CC2D2A: variants seen among roughly 807,000 people sequenced by gnomAD.
CC2D2A encodes the protein coiled-coil and C2 domain containing 2A.
A neutral mutation model predicts 212.9 loss-of-function variants in CC2D2A; 155 were observed. The observed-to-expected ratio is 0.73, with a 90% CI of 0.64 to 0.83. The LOEUF (loss-of-function observed/expected upper bound fraction) is 0.83. CC2D2A is among the 40% of genes least tolerant of loss of function. The probability of loss-of-function intolerance (pLI) is 0.00; values close to 1 mark genes in which losing one functional copy is unlikely to be tolerated. For missense variants in CC2D2A, 1,856 were observed against 1,956.2 expected (o/e 0.95, Z 0.97); for synonymous variants, 667 against 686.5 (o/e 0.97, Z 0.44).
rs568138612 is a variant in CC2D2A, at chr4:15,538,201, G to A, written c.2003+64G>A. 6.2e-6 allele frequency: 9 copies of A among 1,454,206 alleles called. No individual in the cohort carries two copies. The East Asian group carries it at 2.0e-4, about 32-fold the overall frequency. 90.1% of individuals were successfully genotyped at this position (1,454,206 alleles called of 1,614,324 possible). On this transcript the variant is annotated intron_variant, in intron 16 of 36. Coordinates refer to ENST00000424120, the MANE Select transcript of CC2D2A (RefSeq NM_001378615.1). ...GATACACATGTTCACGTGGGCACATGCACACACACATGCACGACATGGGGA... is the reference window on the plus strand; with the variant it reads ...GATACACATGTTCACGTGGGCACATACACACACACATGCACGACATGGGGA...
At chr4:15,588,245 T>C (rs1360329314) in intron 32 of CC2D2A, among the ~76,000 whole-genome samples, 1 of 152,148 alleles carries the variant, frequency 6.6e-6, no homozygotes, top group Non-Finnish European at 1.5e-5. Context: ...TCAGATTCCC[T>C]TAATGATGTG....
At chr4:15,600,806 T>C (rs1721553978) in intron 36 of CC2D2A, among the ~76,000 whole-genome samples, 1 of 142,536 alleles carries the variant, frequency 7.0e-6, no homozygotes, top group Admixed American at 7.7e-5. Context: ...GAGGCTAAAG[T>C]GGGGGGACCA....
intron 6 of CC2D2A, 135 bp from the exon 7 acceptor site, chr4:15,510,004 C>CGAA: frequency 1.5e-6 from 1 of 680,776 alleles, no homozygotes; most frequent in Non-Finnish European, 2.5e-6. Flanking sequence ...GCCAGCATTC[C>CGAA]ATGCCTTAGG....
chr4:15,600,141 T>C (rs1448956473), intron 36 of CC2D2A, among the ~76,000 whole-genome samples: 1 of 152,172 alleles, frequency 6.6e-6, no homozygotes, highest in Non-Finnish European at 1.5e-5. Flanking sequence ...AGCTGGATAA[T>C]AAAACCTACA....
At chr4:15,578,816 G>GT (rs955948583) in intron 29 of CC2D2A, among the ~76,000 whole-genome samples, 5,774 of 119,026 alleles carry the variant, frequency 0.049, 153 homozygotes, top group African/African-American at 0.083. Context: ...TTGTTTGTTT[G>GT]TTTTTAATAG....
At position 15,553,310 on chromosome 4, in the gene CC2D2A, T is replaced by A. The variant is rs780106193; in HGVS notation, c.2486+5T>A. The stretch of plus-strand genomic sequence containing the variant: ...GCAGAACATCGGATTTCGGAGGTAA[T>A]ACATGGCAAGAGTAAATTGATGAGC... On this transcript the variant is annotated splice_donor_5th_base_variant and intron_variant, in intron 19 of 36. Coordinates refer to ENST00000424120, the MANE Select transcript of CC2D2A (RefSeq NM_001378615.1). The A allele has an allele frequency of 8.1e-6, 13 of 1,611,580 alleles. No individual in the cohort carries two copies. The highest frequency in any genetic ancestry group is 2.2e-5 in the East Asian group (1 of 44,766).
chr4:15,489,298 T>A (rs1715174117), intron 4 of CC2D2A, among the ~76,000 whole-genome samples: 1 of 152,082 alleles, frequency 6.6e-6, no homozygotes, highest in Non-Finnish European at 1.5e-5. Flanking sequence ...AAGCACAGCA[T>A]GAGACATAGA....
chr4:15,492,653 G>T, intron 4 of CC2D2A: 1 of 571,972 alleles, frequency 1.7e-6, no homozygotes, highest in South Asian at 1.6e-5. Context: ...AAGGGCGGCA[G>T]GGACTCCTCA....
intron 29 of CC2D2A, among the ~76,000 whole-genome samples, chr4:15,575,486 T>C: frequency 6.6e-6 from 1 of 152,196 alleles, no homozygotes. Flanking sequence ...AAGCGTAAGT[T>C]GTTAACTACT....
At chr4:15,541,607 C>G (rs1166009849) in intron 17 of CC2D2A, among the ~76,000 whole-genome samples, 1 of 152,006 alleles carries the variant, frequency 6.6e-6, no homozygotes, top group African/African-American at 2.4e-5. Context: ...ACAGGGAGAT[C>G]TCCAGCTCAT....
At chr4:15,592,822 T>C (rs1405246124) in intron 33 of CC2D2A, among the ~76,000 whole-genome samples, 1 of 152,186 alleles carries the variant, frequency 6.6e-6, no homozygotes, top group Non-Finnish European at 1.5e-5. Flanking sequence ...AGGTGCCTTA[T>C]CAAAATCTCA....
intron 17 of CC2D2A, among the ~76,000 whole-genome samples, chr4:15,545,683 G>A (rs1718673289): frequency 6.6e-6 from 1 of 150,854 alleles, no homozygotes; most frequent in Non-Finnish European, 1.5e-5. Context: ...CAGGAGTGAG[G>A]GGATGGGCTC....
intron 11 of CC2D2A, among the ~76,000 whole-genome samples, chr4:15,521,966 A>T (rs192502908): frequency 1.3e-5 from 2 of 152,320 alleles, no homozygotes. Context: ...TGTGAGGCTA[A>T]TGTGGGAGGT....
rs184335049 is a variant in CC2D2A at position 15,577,036 on chromosome 4, C to T, written c.3771+2710C>T. Among the ~76,000 whole-genome samples, 225 of 152,302 alleles carry T rather than the reference C, an allele frequency of 1.5e-3. 1 individual carries two copies. Among genetic ancestry groups the T allele is most frequent in the South Asian group, 3.9e-3 (19 of 4,830 alleles). On this transcript the variant is annotated intron_variant, in intron 29 of 36. Coordinates refer to ENST00000424120, the MANE Select transcript of CC2D2A (RefSeq NM_001378615.1). ...TTGAGAGAGGGTCTTGCTCTGTCAC[C>T]TAGCTGGAGTGCAGTGGTGCCATCA...
chr4:15,486,552 T>C (rs1715011970), intron 4 of CC2D2A, among the ~76,000 whole-genome samples: 1 of 152,184 alleles, frequency 6.6e-6, no homozygotes, highest in African/African-American at 2.4e-5. Flanking sequence ...TCTTCTCTTT[T>C]TCTTAATCTG....
chr4:15,509,176 GACTT>G (rs1343469002), intron 6 of CC2D2A, among the ~76,000 whole-genome samples: 5 of 152,232 alleles, frequency 3.3e-5, no homozygotes, highest in African/African-American at 1.2e-4. Context: ...ATGTGTGTTG[GACTT>G]ACTTACAATC....
chr4:15,537,257 T>A (rs1718182103), intron 15 of CC2D2A, among the ~76,000 whole-genome samples, 181 bp downstream of exon 15: 2 of 152,196 alleles, frequency 1.3e-5, no homozygotes, highest in Non-Finnish European at 2.9e-5. Flanking sequence ...GCTAATGCAT[T>A]TGCTTAAAAA....
rs775292940 is a variant in CC2D2A, at chr4:15,599,548, GA to G, written c.4522del (p.Ile1508SerfsTer9). 3.2e-6 allele frequency: 5 copies of G among 1,561,472 alleles called. No homozygotes were observed. The highest frequency in any genetic ancestry group is 4.5e-5 in the East Asian group (2 of 43,962). On this transcript the variant is annotated frameshift_variant, in exon 36 of 37. Transcript: ENST00000424120. LOFTEE classifies it high-confidence loss of function. ...LQDRIEKILK[E>X]KIMDWRPRHL... is the part of the protein sequence containing the mutation. ...GAACAGGATTGAAAAAATACTAAAA[GA>G]AAAAATCATGGACTGGAGGCCACGC...
At chr4:15,572,243 A>G (rs142663926) in intron 28 of CC2D2A, among the ~76,000 whole-genome samples, 2 of 152,360 alleles carry the variant, frequency 1.3e-5, no homozygotes, top group African/African-American at 4.8e-5. Flanking sequence ...AAATGGAGAA[A>G]CAGAAGCCTA....
Sources: gnomAD v4.1 joint callset for allele counts (sites outside exome capture counted in the v4.1 genomes callset) on GRCh38, gnomAD v4.1.1 for gene constraint, MANE v1.5 for transcripts, NCBI Gene and HGNC (gene_info 2026-07-23, HGNC 2026-07-21) for gene names.